CD99L2: variants seen among roughly 807,000 people sequenced by gnomAD.
The protein encoded by CD99L2 is CD99 molecule like 2.
A neutral mutation model predicts 27.3 loss-of-function variants in CD99L2; 24 were observed. The ratio of observed to expected loss-of-function variants is 0.88; its 90% confidence interval spans 0.64 to 1.24. The LOEUF is 1.24. Among genes scored for constraint, CD99L2 ranks in the 50% most tolerant of loss-of-function variants. The probability of loss-of-function intolerance (pLI) is 0.00; values close to 1 mark genes in which losing one functional copy is unlikely to be tolerated. For synonymous variants in CD99L2, 97 were observed against 87.9 expected, an observed-to-expected ratio of 1.10 and a Z score of -0.58; for missense variants, 255 against 221.6, an observed-to-expected ratio of 1.15 and a Z score of -0.96.
At chrX:150,771,401 C>T (rs2043452217) in intron 9 of CD99L2, among the ~76,000 whole-genome samples, 1 of 112,525 alleles carries the variant, frequency 8.9e-6, no homozygotes. Flanking sequence ...GGAAGCTGCC[C>T]CAGGTGCACC....
intron 2 of CD99L2, among the ~76,000 whole-genome samples, chrX:150,824,156 G>GGA: frequency 5.9e-5 from 1 of 16,881 alleles, no homozygotes; most frequent in African/African-American, 1.8e-4. Flanking sequence ...AAGGAAGGAG[G>GGA]AGGAGGAGGA....
At chrX:150,893,720 C>CT (rs1233597204) in intron 1 of CD99L2, among the ~76,000 whole-genome samples, 2 of 109,097 alleles carry the variant, frequency 1.8e-5, no homozygotes, top group Non-Finnish European at 1.9e-5. Flanking sequence ...CAACTCAGCC[C>CT]TTTTTTTTGT....
intron 7 of CD99L2, among the ~76,000 whole-genome samples, chrX:150,784,002 T>G (rs1211202388): frequency 1.8e-5 from 2 of 111,188 alleles, no homozygotes; most frequent in Non-Finnish European, 3.8e-5. Context: ...ACTCAGAAGT[T>G]TGGGAAAGGT....
At chrX:150,886,309 A>C (rs59583926) in intron 1 of CD99L2, among the ~76,000 whole-genome samples, 33,255 of 111,501 alleles carry the variant, frequency 0.3, 3,841 homozygotes, top group African/African-American at 0.42. Flanking sequence ...CGATGGTGGT[A>C]CCATAAGATT....
chrX:150,778,229 G>C (rs782025805), intron 7 of CD99L2, among the ~76,000 whole-genome samples: 1 of 110,641 alleles, frequency 9.0e-6, no homozygotes, highest in East Asian at 2.8e-4. Context: ...TCCCTGACAA[G>C]CCACTGGTGC....
chrX:150,844,568 T>G (rs1427637183), intron 1 of CD99L2, among the ~76,000 whole-genome samples: 1 of 112,174 alleles, frequency 8.9e-6, no homozygotes, highest in East Asian at 2.8e-4. Context: ...TTTGTCTTGA[T>G]GAATTTATGC....
chrX:150,855,489 A>C (rs1286316777), intron 1 of CD99L2, among the ~76,000 whole-genome samples: 1 of 111,092 alleles, frequency 9.0e-6, no homozygotes, highest in African/African-American at 3.3e-5. Context: ...TGAGGGGGGA[A>C]GTGCCACACA....
At chrX:150,856,706 T>C (rs11798121) in intron 1 of CD99L2, among the ~76,000 whole-genome samples, 10,543 of 106,409 alleles carry the variant, frequency 0.099, 498 homozygotes, top group South Asian at 0.18. Flanking sequence ...AACATGAAAA[T>C]GCAAGGAAGT....
At chrX:150,830,511 C>T (rs1179326938) in intron 2 of CD99L2, among the ~76,000 whole-genome samples, 3 of 110,354 alleles carry the variant, frequency 2.7e-5, no homozygotes, top group Non-Finnish European at 3.8e-5. Context: ...TAAGATGGTG[C>T]GTGCCACTGT....
Position 150,795,258 on chromosome X carries a change from A to T in CD99L2, c.378T>A (p.Asp126Glu). 1 of 1,212,103 alleles carries T rather than the reference A, an allele frequency of 8.3e-7. No homozygotes were observed. The highest frequency in any genetic ancestry group is 1.1e-6 in the Non-Finnish European group (1 of 895,580). ...GGCCATCATCTCGATCATTTCGATC[A>T]TCCAGGGCATCAGCCAAGTCAAAAT... ...GNDFDLADAL[D>E]DRNDRDDGRR... is the part of the protein sequence containing the mutation. Residue 126 changes from aspartate (D) to glutamate (E), a missense_variant, in exon 6 of 11, where the codon GAT becomes GAA. Asp to Glu is a conservative substitution (Grantham distance 45, BLOSUM62 2). Coordinates refer to ENST00000370377, the MANE Select transcript of CD99L2 (RefSeq NM_031462.4).
At chrX:150,774,692 G>A (rs1236580507) in intron 9 of CD99L2, among the ~76,000 whole-genome samples, 6 of 112,197 alleles carry the variant, frequency 5.3e-5, no homozygotes, top group Non-Finnish European at 1.1e-4. Context: ...GCACAGCCCA[G>A]GAGGCTGATG....
intron 1 of CD99L2, among the ~76,000 whole-genome samples, chrX:150,867,892 CAAAAAAAAAAAAAAAAA>C (rs782516457): frequency 1.6e-4 from 3 of 19,223 alleles, no homozygotes; most frequent in Admixed American, 2.2e-3. Flanking sequence ...GACTCTGTCT[CAAAAAAAAAAAAAAAAA>C]AAAAAAAAAA....
rs781843735 is a variant in CD99L2, at chrX:150,863,582, T to A, written c.68-32289A>T. Among the ~76,000 whole-genome samples, 6 of 111,009 alleles carry A rather than the reference T, an allele frequency of 5.4e-5. No individual in the cohort carries two copies. In the East Asian group the frequency reaches 1.1e-3, roughly 21 times the overall value. ...CATGAGCAGCCTTTCTTTTGGTGTT[T>A]TTTTGTTTGTTTGTTTGCTTGTTTG... On this transcript the variant is annotated intron_variant, in intron 1 of 10. Coordinates refer to ENST00000370377, the MANE Select transcript of CD99L2 (RefSeq NM_031462.4).
chrX:150,826,277 G>A (rs1261821357), intron 2 of CD99L2, among the ~76,000 whole-genome samples: 1 of 111,701 alleles, frequency 9.0e-6, no homozygotes, highest in Non-Finnish European at 1.9e-5. Flanking sequence ...ATTTTGTTAT[G>A]GCAGCACAAA....
rs143940100 is a variant in CD99L2, at chrX:150,784,425, A to G, written c.497-6943T>C. ...GTTAGAGGACATGACCTGAGGCCAC[A>G]CAGAAGCTACGTGTTACTTCTCTCC... On this transcript the variant is annotated intron_variant, in intron 7 of 10. Coordinates refer to ENST00000370377, the MANE Select transcript of CD99L2 (RefSeq NM_031462.4). Among the ~76,000 whole-genome samples, 441 of 111,599 alleles carry G rather than the reference A, an allele frequency of 4.0e-3. 2 individuals are homozygous for G. Among genetic ancestry groups the G allele is most frequent in the African/African-American group, 0.014 (423 of 30,785 alleles).
chrX:150,896,017 C>G (rs782131177), intron 1 of CD99L2, among the ~76,000 whole-genome samples: 1 of 89,407 alleles, frequency 1.1e-5, no homozygotes, highest in African/African-American at 4.5e-5. Context: ...CATAGCAAGA[C>G]TCTGTTTCCA....
At chrX:150,865,058 C>A (rs2047038270) in intron 1 of CD99L2, among the ~76,000 whole-genome samples, 1 of 102,374 alleles carries the variant, frequency 9.8e-6, no homozygotes, top group African/African-American at 3.7e-5. Flanking sequence ...CAGAGCGAGA[C>A]CCTGTCTCAA....
intron 1 of CD99L2, among the ~76,000 whole-genome samples, chrX:150,851,030 G>T (rs950510467): frequency 1.8e-5 from 2 of 110,838 alleles, no homozygotes; most frequent in Non-Finnish European, 3.8e-5. Flanking sequence ...GTAGAGACAG[G>T]GTTTCACCAT....
At chrX:150,837,499 T>G (rs1178082335) in intron 1 of CD99L2, among the ~76,000 whole-genome samples, 1 of 111,551 alleles carries the variant, frequency 9.0e-6, no homozygotes, top group Non-Finnish European at 1.9e-5. Flanking sequence ...CCGCCCACCT[T>G]GGCCTCCCAA....
Sources: gnomAD v4.1 joint callset for allele counts (sites outside exome capture counted in the v4.1 genomes callset) on GRCh38, gnomAD v4.1.1 for gene constraint, MANE v1.5 for transcripts, NCBI Gene and HGNC (gene_info 2026-07-23, HGNC 2026-07-21) for gene names.